Variants in REEP1 observed in about 807,000 individuals in gnomAD.
REEP1 encodes the protein receptor accessory protein 1, also known as receptor expression-enhancing protein 1.
In REEP1, 22 loss-of-function variants were observed where a neutral mutation model predicts 40.3. The ratio of observed to expected loss-of-function variants is 0.55; its 90% CI spans 0.39 to 0.78. The LOEUF (loss-of-function observed/expected upper bound fraction) is 0.78, where lower values mean the gene tolerates loss of function less well. Among genes scored for constraint, REEP1 ranks in the 30% least tolerant of loss-of-function variants. The pLI, the probability that REEP1 is intolerant of heterozygous loss-of-function variation, is 0.00. For missense variants in REEP1, 280 were observed against 361.1 expected (o/e 0.78, Z 1.82); for synonymous variants, 116 against 139.2 (o/e 0.83, Z 1.17).
intron 5 of REEP1, among the ~76,000 whole-genome samples, chr2:86,244,100 A>C (rs1675807511): frequency 6.6e-6 from 1 of 152,218 alleles, no homozygotes; most frequent in African/African-American, 2.4e-5. Context: ...ACTAATTGTT[A>C]ACAGGTAGTT....
At chr2:86,260,432 A>G (rs116087701) in intron 3 of REEP1, among the ~76,000 whole-genome samples, 1,927 of 152,330 alleles carry the variant, frequency 0.013, 46 homozygotes, top group African/African-American at 0.043. Context: ...CAAACACACC[A>G]GGCATCAAAC....
chr2:86,315,419 G>A (rs1269917981), intron 1 of REEP1, among the ~76,000 whole-genome samples: 1 of 152,244 alleles, frequency 6.6e-6, no homozygotes, highest in African/African-American at 2.4e-5. Flanking sequence ...ATCTGGGGAA[G>A]AGACAAGTAA....
At chr2:86,236,564 C>A (rs1483995347) in intron 5 of REEP1, among the ~76,000 whole-genome samples, 1 of 152,116 alleles carries the variant, frequency 6.6e-6, no homozygotes, top group Non-Finnish European at 1.5e-5. Context: ...GCAATCCCAG[C>A]ACTTTGGAGG....
rs571832918 is a variant in REEP1, at chr2:86,266,386, G to A, written c.106-2345C>T. 2.5e-4 allele frequency among the ~76,000 whole-genome samples: 38 copies of A among 151,920 alleles called. 1 individual carries two copies. The South Asian group carries it at 6.4e-3, about 26-fold the overall frequency. On this transcript the variant is annotated intron_variant, in intron 2 of 8. Transcript: ENST00000538924. ...TGTAATCCCAGCACTTTGGGAGGCCGAGGCGGGTGGATCATGAGGTCAGGA... is the reference window on the plus strand; with the variant it reads ...TGTAATCCCAGCACTTTGGGAGGCCAAGGCGGGTGGATCATGAGGTCAGGA...
At chr2:86,231,327 G>A (rs542319803) in intron 6 of REEP1, among the ~76,000 whole-genome samples, 1 of 152,334 alleles carries the variant, frequency 6.6e-6, no homozygotes, top group East Asian at 1.9e-4. Flanking sequence ...GCTTCCAGCA[G>A]TGACAGGGTT....
chr2:86,331,955 A>G (rs2104545198), intron 1 of REEP1, among the ~76,000 whole-genome samples: 1 of 152,172 alleles, frequency 6.6e-6, no homozygotes, highest in African/African-American at 2.4e-5. Flanking sequence ...TGGTCTGGGT[A>G]CCCACGCATG....
At chr2:86,278,629 C>T (rs1359093678) in intron 2 of REEP1, among the ~76,000 whole-genome samples, 2 of 152,166 alleles carry the variant, frequency 1.3e-5, no homozygotes, top group African/African-American at 2.4e-5. Flanking sequence ...AATTGGGAGA[C>T]ATCTCCCAAC....
At chr2:86,259,197 G>A (rs949109849) in intron 3 of REEP1, among the ~76,000 whole-genome samples, 5 of 151,170 alleles carry the variant, frequency 3.3e-5, no homozygotes, top group Non-Finnish European at 7.4e-5. Flanking sequence ...GGCTGAGGCA[G>A]GAGAAGCACT....
At chr2:86,328,852 G>A (rs959261316) in intron 1 of REEP1, among the ~76,000 whole-genome samples, 13 of 152,196 alleles carry the variant, frequency 8.5e-5, no homozygotes, top group Non-Finnish European at 5.9e-5. Flanking sequence ...CTCTGGTCCC[G>A]TGGCAGCGTC....
At chr2:86,247,458 G>T (rs1676035363) in intron 5 of REEP1, among the ~76,000 whole-genome samples, 1 of 152,134 alleles carries the variant, frequency 6.6e-6, no homozygotes, top group Admixed American at 6.5e-5. Context: ...CAGCTACTTG[G>T]AATGCTGAGG....
chr2:86,323,630 C>T (rs1205938385), intron 1 of REEP1, among the ~76,000 whole-genome samples: 2 of 152,188 alleles, frequency 1.3e-5, no homozygotes, highest in South Asian at 2.1e-4. Flanking sequence ...AAAACTGCCC[C>T]CCAACCCCCA....
At chr2:86,239,199 C>A (rs1675531345) in intron 5 of REEP1, among the ~76,000 whole-genome samples, 1 of 109,690 alleles carries the variant, frequency 9.1e-6, no homozygotes, top group Admixed American at 1.3e-4. Context: ...TGACCAATGC[C>A]ATCTAGACCA....
intron 2 of REEP1, among the ~76,000 whole-genome samples, chr2:86,279,098 A>G (rs1574073501): frequency 6.6e-6 from 1 of 152,002 alleles, no homozygotes; most frequent in Non-Finnish European, 1.5e-5. Flanking sequence ...CATGCCTCCT[A>G]CTTCTAGGGG....
intron 6 of REEP1, among the ~76,000 whole-genome samples, chr2:86,229,145 T>C (rs191881718): frequency 3.9e-5 from 6 of 152,284 alleles, no homozygotes; most frequent in Middle Eastern, 3.4e-3. Context: ...CCCTAAGACA[T>C]AGGCTGAATA....
At chr2:86,243,644 G>A (rs542207331) in intron 5 of REEP1, among the ~76,000 whole-genome samples, 3 of 152,322 alleles carry the variant, frequency 2.0e-5, no homozygotes, top group South Asian at 4.1e-4. Context: ...GTTCTGCTTC[G>A]ACACATTTTG....
chr2:86,217,272 T>C (rs1452300151), intron 8 of REEP1, among the ~76,000 whole-genome samples, 162 bp from the exon 9 acceptor site: 1 of 152,124 alleles, frequency 6.6e-6, no homozygotes, highest in Non-Finnish European at 1.5e-5. Context: ...GAAGCAATCA[T>C]CAGAGTCCCA....
intron 5 of REEP1, 148 bp downstream of exon 5, chr2:86,251,809 T>G: frequency 1.3e-6 from 1 of 742,430 alleles, no homozygotes; most frequent in Non-Finnish European, 2.5e-6. Context: ...GATTCAGCAT[T>G]TTTTTCCATC....
intron 5 of REEP1, among the ~76,000 whole-genome samples, chr2:86,247,516 T>G (rs190321577): frequency 6.6e-6 from 1 of 152,168 alleles, no homozygotes; most frequent in Admixed American, 6.5e-5. Flanking sequence ...CTAAGCAACA[T>G]AGAAAGACCT....
chr2:86,262,730 T>C (rs1223255049), intron 3 of REEP1, among the ~76,000 whole-genome samples: 1 of 152,230 alleles, frequency 6.6e-6, no homozygotes, highest in Non-Finnish European at 1.5e-5. Context: ...GGTTAAAACA[T>C]TCGTACAACA....
Sources: allele counts gnomAD v4.1 joint callset (sites outside exome capture counted in the v4.1 genomes callset), GRCh38; gene constraint gnomAD v4.1.1; transcripts MANE v1.5; gene names NCBI Gene and HGNC (gene_info 2026-07-23, HGNC 2026-07-21).